DGKB: variants seen among roughly 807,000 people sequenced by gnomAD.
DGKB encodes the protein diacylglycerol kinase beta.
Under a neutral mutation model 114.3 loss-of-function variants are expected in DGKB, and 67 were observed. The ratio of observed to expected loss-of-function variants is 0.59; its 90% CI spans 0.48 to 0.72. DGKB has a LOEUF of 0.72. DGKB is among the 30% of genes least tolerant of loss of function. The pLI, the probability that DGKB is intolerant of heterozygous loss-of-function variation, is 0.00. For missense variants in DGKB, 907 were observed against 975.2 expected, an observed-to-expected ratio of 0.93 and a Z score of 0.93; for synonymous variants, 398 against 323.1, an observed-to-expected ratio of 1.23 and a Z score of -2.49.
intron 21 of DGKB, among the ~76,000 whole-genome samples, chr7:14,429,902 G>A (rs1180163884): frequency 1.3e-5 from 2 of 148,814 alleles, no homozygotes; most frequent in Non-Finnish European, 3.0e-5. Context: ...ACTCCAGCCT[G>A]GGCTACAGAG....
intron 1 of DGKB, among the ~76,000 whole-genome samples, chr7:14,897,744 T>C (rs1269479175): frequency 6.6e-6 from 1 of 152,014 alleles, no homozygotes; most frequent in Non-Finnish European, 1.5e-5. Flanking sequence ...AATTTTATAC[T>C]AATCATGACT....
At chr7:14,792,555 G>C (rs1029697943) in intron 2 of DGKB, among the ~76,000 whole-genome samples, 1 of 151,988 alleles carries the variant, frequency 6.6e-6, no homozygotes, top group African/African-American at 2.4e-5. Flanking sequence ...TGACAACCCT[G>C]GTTCCCTGAA....
chr7:14,925,746 C>T (rs912025946), intron 1 of DGKB, among the ~76,000 whole-genome samples: 4 of 152,076 alleles, frequency 2.6e-5, no homozygotes, highest in Non-Finnish European at 5.9e-5. Context: ...TTTGATCTTA[C>T]ATCCTATAAC....
intron 20 of DGKB, among the ~76,000 whole-genome samples, chr7:14,545,927 G>T (rs577529049): frequency 1.3e-5 from 2 of 152,300 alleles, no homozygotes; most frequent in South Asian, 2.1e-4. Flanking sequence ...AGTCTGCACA[G>T]AACTCACAGG....
At chr7:14,180,202 G>T (rs899647979) in intron 23 of DGKB, among the ~76,000 whole-genome samples, 1 of 150,974 alleles carries the variant, frequency 6.6e-6, no homozygotes, top group African/African-American at 2.4e-5. Context: ...TCCTAAATAG[G>T]TAGAATTCTG....
chr7:14,268,156 G>T (rs1562790659), intron 23 of DGKB, among the ~76,000 whole-genome samples: 1 of 151,708 alleles, frequency 6.6e-6, no homozygotes, highest in Non-Finnish European at 1.5e-5. Context: ...ATGACCTCTA[G>T]ATTTAAAAAC....
chr7:14,858,607 G>A (rs1850516589), intron 1 of DGKB, among the ~76,000 whole-genome samples: 2 of 152,228 alleles, frequency 1.3e-5, no homozygotes, highest in African/African-American at 4.8e-5. Flanking sequence ...GTCTGCAGAA[G>A]GTGGATTATC....
At chr7:14,767,800 A>G (rs1048507848) in intron 2 of DGKB, among the ~76,000 whole-genome samples, 1 of 152,008 alleles carries the variant, frequency 6.6e-6, no homozygotes, top group Non-Finnish European at 1.5e-5. Context: ...GAATGTGTAC[A>G]TTAAAAATAT....
At chr7:14,925,005 T>C (rs934899508) in intron 1 of DGKB, among the ~76,000 whole-genome samples, 6 of 152,210 alleles carry the variant, frequency 3.9e-5, no homozygotes, top group Admixed American at 3.9e-4. Context: ...AAATTTGTTA[T>C]ATAAATAGAA....
In DGKB at chr7:14,247,389, T is replaced by C. The variant is rs575627772; in HGVS notation, c.2123-69238A>G. 9.2e-5 allele frequency among the ~76,000 whole-genome samples: 14 copies of C among 152,284 alleles called. No homozygotes were observed. In the South Asian group the frequency reaches 2.1e-3, roughly 23 times the overall value. On this transcript the variant is annotated intron_variant, in intron 23 of 25. Coordinates refer to ENST00000402815, the MANE Select transcript of DGKB (RefSeq NM_001350709.2). Reference sequence around the variant, plus strand: ...ACCCAGCATTTAGATTGCTGGATCATAGGCAGTTCTGTTTTTAATTTTGTG... The same window carrying C: ...ACCCAGCATTTAGATTGCTGGATCACAGGCAGTTCTGTTTTTAATTTTGTG...
At chr7:14,540,321 AT>A (rs1277236653) in intron 20 of DGKB, among the ~76,000 whole-genome samples, 1 of 152,066 alleles carries the variant, frequency 6.6e-6, no homozygotes, top group Admixed American at 6.6e-5. Flanking sequence ...AATAATAATA[AT>A]TTATATTGTA....
At chr7:14,311,568 G>T (rs572329026) in intron 23 of DGKB, among the ~76,000 whole-genome samples, 10 of 152,168 alleles carry the variant, frequency 6.6e-5, no homozygotes, top group African/African-American at 2.4e-4. Context: ...GATGACCGGT[G>T]CATGCCACCA....
intron 20 of DGKB, among the ~76,000 whole-genome samples, chr7:14,568,336 A>T (rs1797900275): frequency 1.3e-5 from 2 of 152,310 alleles, no homozygotes; most frequent in African/African-American, 4.8e-5. Context: ...AAAAGAAGGA[A>T]TTGCCATAGT....
intron 20 of DGKB, among the ~76,000 whole-genome samples, chr7:14,560,230 G>A (rs931080877): frequency 1.3e-5 from 2 of 151,842 alleles, no homozygotes; most frequent in Non-Finnish European, 1.5e-5. Context: ...CTTAACATGA[G>A]ATCTACCTTC....
intron 2 of DGKB, among the ~76,000 whole-genome samples, chr7:14,783,322 G>A (rs190540225): frequency 2.6e-5 from 4 of 152,170 alleles, no homozygotes; most frequent in Admixed American, 6.5e-5. Flanking sequence ...TTCAAAACTC[G>A]GATTCACTTG....
chr7:14,717,607 G>T (rs1235650382), intron 6 of DGKB, among the ~76,000 whole-genome samples: 1 of 151,892 alleles, frequency 6.6e-6, no homozygotes, highest in Non-Finnish European at 1.5e-5. Context: ...TTATCAAAAA[G>T]TTACTACTAA....
chr7:14,382,702 A>G (rs1172174167), intron 21 of DGKB, among the ~76,000 whole-genome samples: 1 of 152,224 alleles, frequency 6.6e-6, no homozygotes, highest in East Asian at 1.9e-4. Flanking sequence ...ATGAAGGAAC[A>G]TAAAAGTTTT....
chr7:14,649,244 A>G (rs534721549), intron 13 of DGKB, among the ~76,000 whole-genome samples: 3,247 of 151,094 alleles, frequency 0.021, 53 homozygotes, highest in South Asian at 0.039. Flanking sequence ...GCAGCCAGAG[A>G]GAAAGGTCGG....
intron 20 of DGKB, among the ~76,000 whole-genome samples, chr7:14,544,390 A>ATT (rs1336953204): frequency 3.3e-5 from 5 of 152,210 alleles, no homozygotes; most frequent in Non-Finnish European, 7.4e-5. Context: ...TTTTAATCAA[A>ATT]GGACACACTG....
Sources: allele counts gnomAD v4.1 joint callset (sites outside exome capture counted in the v4.1 genomes callset), GRCh38; gene constraint gnomAD v4.1.1; transcripts MANE v1.5; gene names NCBI Gene and HGNC (gene_info 2026-07-23, HGNC 2026-07-21).